HS6ST3: variants seen among roughly 807,000 people sequenced by gnomAD.
The protein encoded by HS6ST3 is heparan sulfate 6-O-sulfotransferase 3.
HS6ST3 carries 12 observed loss-of-function variants against 36.7 expected under a neutral mutation model. That is an observed-to-expected ratio of 0.33 (90% confidence interval 0.21 to 0.53). The LOEUF is 0.53. HS6ST3 is among the 20% of genes least tolerant of loss of function. HS6ST3 has a pLI of 0.95. For synonymous variants in HS6ST3, 240 were observed against 257.5 expected (o/e 0.93, Z 0.65); for missense variants, 584 against 640.9 (o/e 0.91, Z 0.96).
At chr13:96,363,010 G>A (rs1458602711) in intron 1 of HS6ST3, among the ~76,000 whole-genome samples, 1 of 152,028 alleles carries the variant, frequency 6.6e-6, no homozygotes, top group African/African-American at 2.4e-5. Context: ...CATGGGTTAG[G>A]GATGGGAGAG....
At chr13:96,596,619 C>T (rs2056402541) in intron 1 of HS6ST3, among the ~76,000 whole-genome samples, 1 of 152,052 alleles carries the variant, frequency 6.6e-6, no homozygotes, top group Non-Finnish European at 1.5e-5. Flanking sequence ...TCCGTGTCAA[C>T]ATCTATCATT....
chr13:96,584,664 TC>T (rs899366934), intron 1 of HS6ST3, among the ~76,000 whole-genome samples: 1 of 152,198 alleles, frequency 6.6e-6, no homozygotes, highest in Non-Finnish European at 1.5e-5. Context: ...TAAGACATTA[TC>T]CCTGGTCTTT....
chr13:96,589,080 T>C (rs1210288993), intron 1 of HS6ST3, among the ~76,000 whole-genome samples: 1 of 151,814 alleles, frequency 6.6e-6, no homozygotes, highest in East Asian at 1.9e-4. Context: ...AAAAAGCTTT[T>C]CCTTCTCTTA....
chr13:96,539,729 A>C (rs1465983513), intron 1 of HS6ST3, among the ~76,000 whole-genome samples: 2 of 152,134 alleles, frequency 1.3e-5, no homozygotes, highest in African/African-American at 4.8e-5. Context: ...TTGAAAAGAG[A>C]AACATTCTGA....
At chr13:96,793,486 T>C in intron 1 of HS6ST3, among the ~76,000 whole-genome samples, 1 of 151,974 alleles carries the variant, frequency 6.6e-6, no homozygotes, top group Admixed American at 6.6e-5. Flanking sequence ...GCAGACCTGG[T>C]AGGTGGGAGG....
chr13:96,809,795 T>A (rs1462385197), intron 1 of HS6ST3, among the ~76,000 whole-genome samples: 4 of 152,176 alleles, frequency 2.6e-5, no homozygotes, highest in Non-Finnish European at 5.9e-5. Context: ...GGCTGTAACT[T>A]ACTAGCTCTG....
At chr13:96,629,768 A>G (rs999282502) in intron 1 of HS6ST3, among the ~76,000 whole-genome samples, 2 of 151,398 alleles carry the variant, frequency 1.3e-5, no homozygotes, top group African/African-American at 2.4e-5. Context: ...TCTGAGGTCT[A>G]TTGTCTTTCA....
At chr13:96,425,899 T>A (rs901622886) in intron 1 of HS6ST3, among the ~76,000 whole-genome samples, 3 of 151,848 alleles carry the variant, frequency 2.0e-5, no homozygotes, top group African/African-American at 7.3e-5. Flanking sequence ...TGAATTTCTT[T>A]CATTTATTGC....
intron 1 of HS6ST3, among the ~76,000 whole-genome samples, chr13:96,319,074 C>A (rs2054991092): frequency 6.6e-6 from 1 of 152,096 alleles, no homozygotes; most frequent in African/African-American, 2.4e-5. Context: ...TTTTCTTCAG[C>A]CAAAAAAGAA....
intron 1 of HS6ST3, among the ~76,000 whole-genome samples, chr13:96,181,773 C>T (rs141059226): frequency 5.2e-4 from 79 of 152,254 alleles, no homozygotes; most frequent in Non-Finnish European, 4.7e-4. Flanking sequence ...CTAGAACCCC[C>T]GCCCTTCAAA....
At chr13:96,476,021 G>A (rs370719749) in intron 1 of HS6ST3, among the ~76,000 whole-genome samples, 4 of 152,188 alleles carry the variant, frequency 2.6e-5, no homozygotes, top group Non-Finnish European at 4.4e-5. Context: ...CTGCTGAGAC[G>A]CCTTGGAGGC....
At chr13:96,130,000 C>A (rs900182341) in intron 1 of HS6ST3, among the ~76,000 whole-genome samples, 1 of 152,098 alleles carries the variant, frequency 6.6e-6, no homozygotes, top group East Asian at 1.9e-4. Context: ...AATTAGCAAA[C>A]TAGTGTAGTG....
chr13:96,713,139 G>A (rs994549020), intron 1 of HS6ST3, among the ~76,000 whole-genome samples: 5 of 151,924 alleles, frequency 3.3e-5, no homozygotes, highest in Admixed American at 6.6e-5. Flanking sequence ...GGATATTTTC[G>A]AAATTCCACA....
intron 1 of HS6ST3, among the ~76,000 whole-genome samples, chr13:96,514,989 C>T (rs2056066562): frequency 6.6e-6 from 1 of 152,096 alleles, no homozygotes; most frequent in South Asian, 2.1e-4. Context: ...TCAGAGCCAC[C>T]TCAAGGCAAC....
At chr13:96,368,380 C>G (rs7491529) in intron 1 of HS6ST3, among the ~76,000 whole-genome samples, 76,230 of 151,764 alleles carry the variant, frequency 0.5, 19,549 homozygotes, top group Middle Eastern at 0.62. Context: ...TTATATTAAG[C>G]TTTACTATAT....
chr13:96,361,094 C>T (rs2055236547), intron 1 of HS6ST3, among the ~76,000 whole-genome samples: 1 of 152,136 alleles, frequency 6.6e-6, no homozygotes, highest in Admixed American at 6.6e-5. Flanking sequence ...ACTAATTGGG[C>T]TATTAATAGC....
chr13:96,551,584 A>G (rs2056219612), intron 1 of HS6ST3, among the ~76,000 whole-genome samples: 1 of 152,242 alleles, frequency 6.6e-6, no homozygotes, highest in Admixed American at 6.5e-5. Flanking sequence ...AGTCATTAAC[A>G]AATAAAGACA....
At chr13:96,742,052 TGA>T (rs1419456168) in intron 1 of HS6ST3, among the ~76,000 whole-genome samples, 1 of 152,110 alleles carries the variant, frequency 6.6e-6, no homozygotes, top group Admixed American at 6.6e-5. Flanking sequence ...AACATCCCGT[TGA>T]GAGAGAGTGT....
At position 96,651,479 on chromosome 13, in the gene HS6ST3, A is replaced by G. The variant is rs1212688497; in HGVS notation, c.708-181011A>G. Among the ~76,000 whole-genome samples, 3 of 151,968 alleles carry G rather than the reference A, an allele frequency of 2.0e-5. No homozygotes were observed. The East Asian group carries it at 5.8e-4, about 30-fold the overall frequency. On this transcript the variant is annotated intron_variant, in intron 1 of 1. Coordinates refer to ENST00000376705, the MANE Select transcript of HS6ST3 (RefSeq NM_153456.4). ...CTGATATCCCCAGCTTGGCTCCCTT[A>G]TGCACCCTGCTCTCCAGGTGTATGA...
Sources: gnomAD v4.1 joint callset for allele counts (sites outside exome capture counted in the v4.1 genomes callset) on GRCh38, gnomAD v4.1.1 for gene constraint, MANE v1.5 for transcripts, NCBI Gene and HGNC (gene_info 2026-07-23, HGNC 2026-07-21) for gene names.